The following PABPC1 variants were observed in gnomAD, a reference collection of about 807,000 sequenced individuals.
The protein encoded by PABPC1 is poly(A) binding protein cytoplasmic 1, also known as polyadenylate-binding protein 1.
In PABPC1, 4 loss-of-function variants were observed where a neutral mutation model predicts 74.0. That is an observed-to-expected ratio of 0.05 (90% confidence interval 0.03 to 0.12). The LOEUF is 0.12. PABPC1 is among the 10% of genes least tolerant of loss of function. PABPC1 has a pLI of 1.00. For synonymous variants in PABPC1, 227 were observed against 264.1 expected (o/e 0.86, Z 1.36); for missense variants, 271 against 821.1 (o/e 0.33, Z 8.19).
intron 8 of PABPC1, 33 bp from the exon 9 acceptor site, chr8:100,709,256 T>C (rs774066517): frequency 8.2e-6 from 13 of 1,593,092 alleles, no homozygotes; most frequent in South Asian, 3.3e-5. Context: ...AGTTTATCAG[T>C]TGAAGAAAAA....
At chr8:100,712,967 A>G (rs1810568974) in intron 5 of PABPC1, 120 bp downstream of exon 5, 1 of 1,027,896 alleles carries the variant, frequency 9.7e-7, no homozygotes, top group South Asian at 1.7e-5. Flanking sequence ...CTAATGCATA[A>G]AATGCAAATA....
intron 3 of PABPC1, 102 bp from the exon 4 acceptor site, chr8:100,715,703 G>C: frequency 1.4e-6 from 1 of 729,188 alleles, no homozygotes; most frequent in Non-Finnish European, 2.1e-6. Context: ...AGAATATTCA[G>C]AATCCCTAAT....
chr8:100,707,161 A>G (rs997877431), intron 9 of PABPC1, 164 bp from the exon 10 acceptor site: 7 of 549,440 alleles, frequency 1.3e-5, no homozygotes, highest in Non-Finnish European at 2.0e-5. Context: ...TCAGAGCATC[A>G]ATAAGTAAAA....
intron 1 of PABPC1, among the ~76,000 whole-genome samples, chr8:100,720,089 G>A (rs1393055091): frequency 6.6e-6 from 1 of 152,104 alleles, no homozygotes; most frequent in Admixed American, 6.6e-5. Context: ...CCACCCTTAA[G>A]GCCTTTTCTA....
chr8:100,710,711 G>A (rs1810505503), intron 7 of PABPC1, among the ~76,000 whole-genome samples: 1 of 152,218 alleles, frequency 6.6e-6, no homozygotes, highest in African/African-American at 2.4e-5. Context: ...GTTTGGCCGG[G>A]CGCGGTGGCT....
rs1810836232 is a variant in PABPC1, at chr8:100,721,661, C to A, written c.-78G>T. 1 of 505,924 alleles carries A rather than the reference C, an allele frequency of 2.0e-6. No homozygotes were observed. Among genetic ancestry groups the A allele is most frequent in the Non-Finnish European group, 2.8e-6 (1 of 355,464 alleles). 31.3% of individuals were successfully genotyped at this position (505,924 alleles called of 1,614,324 possible). On this transcript the variant is annotated 5_prime_UTR_variant, in exon 1 of 15. Transcript: ENST00000318607. This position sits in a 1 kb window ranked among gnomAD's most constrained non-coding sequence, Gnocchi z 7.4. Reference sequence around the variant, plus strand: ...GAGAGCGAGTGCCGGGGCTGGGGGCCGGAGCCGGGGGGAGGGGAGCGGGGA... The same window carrying A: ...GAGAGCGAGTGCCGGGGCTGGGGGCAGGAGCCGGGGGGAGGGGAGCGGGGA...
intron 1 of PABPC1, among the ~76,000 whole-genome samples, chr8:100,719,589 G>T (rs150437089): frequency 2.6e-5 from 4 of 152,242 alleles, no homozygotes; most frequent in Admixed American, 2.6e-4. Context: ...ATGGAAAACT[G>T]CCATATTCTT....
At chr8:100,712,838 TAC>T (rs1423521677) in intron 5 of PABPC1, 49 bp from the exon 6 acceptor site, 1 of 1,520,406 alleles carries the variant, frequency 6.6e-7, no homozygotes, top group Non-Finnish European at 8.8e-7. Flanking sequence ...ACTTTCAACT[TAC>T]AGTTCATTTC....
At position 100,713,075 on chromosome 8, in the gene PABPC1, C is replaced by T. The variant is rs776515054; in HGVS notation, c.738+12G>A. ...TGTACCCCCTTCTTCCTGCTGAATA[C>T]AGACCACTTACTTTCTGTGCATCTT... On this transcript the variant is annotated intron_variant, in intron 5 of 14. Coordinates refer to ENST00000318607, the MANE Select transcript of PABPC1 (RefSeq NM_002568.4). The T allele has an allele frequency of 2.5e-6, 4 of 1,583,644 alleles. No homozygotes were observed. Among genetic ancestry groups the T allele is most frequent in the African/African-American group, 1.4e-5 (1 of 73,858 alleles).
rs192979672 is a variant in PABPC1, at chr8:100,708,016, T to G, written c.1337-1019A>C. Among the ~76,000 whole-genome samples the G allele has an allele frequency of 1.3e-3, 197 of 152,356 alleles. 1 individual carries two copies. The highest frequency in any genetic ancestry group is 0.011 in the South Asian group (52 of 4,826). Reference sequence around the variant, plus strand: ...GTATGGCCTGGTTTTTCCTAGGTTATGATTATAGAGTGAGGATTATTATGA... The same window carrying G: ...GTATGGCCTGGTTTTTCCTAGGTTAGGATTATAGAGTGAGGATTATTATGA... On this transcript the variant is annotated intron_variant, in intron 9 of 14. Coordinates refer to ENST00000318607, the MANE Select transcript of PABPC1 (RefSeq NM_002568.4).
chr8:100,715,382 T>A, intron 4 of PABPC1, 80 bp downstream of exon 4: 3 of 1,262,640 alleles, frequency 2.4e-6, no homozygotes, highest in Non-Finnish European at 2.2e-6. Context: ...TTGACTTTTT[T>A]AGTATAAAGT....
chr8:100,718,852 C>T (rs1810740134), intron 1 of PABPC1, among the ~76,000 whole-genome samples: 4 of 152,140 alleles, frequency 2.6e-5, no homozygotes, highest in Admixed American at 2.0e-4. Context: ...CATGGCACAA[C>T]TTCCATTTAA....
rs115066010 is a variant in PABPC1, at chr8:100,715,627, C to T, written c.504-26G>A. On this transcript the variant is annotated intron_variant, in intron 3 of 14. Coordinates refer to ENST00000318607, the MANE Select transcript of PABPC1 (RefSeq NM_002568.4). ...CTAATAAGATATACAAGGACTATAA[C>T]ATTAGATTCTATTTTATAAAGTTCA... is the stretch of plus-strand genomic sequence containing the variant. The T allele has an allele frequency of 1.9e-4, 294 of 1,526,744 alleles. 1 individual carries two copies. In the African/African-American group the frequency reaches 3.4e-3, roughly 18 times the overall value. The allele number at this position is 1,526,744 out of a possible 1,614,324, so 94.6% of individuals were successfully genotyped here. A position where few individuals can be genotyped will look rare whatever the true frequency, so the allele number is the denominator to read the frequency against.
intron 7 of PABPC1, among the ~76,000 whole-genome samples, chr8:100,711,303 A>C (rs778220907): frequency 6.6e-6 from 1 of 151,984 alleles, no homozygotes; most frequent in South Asian, 2.1e-4. Flanking sequence ...AAAACACCTC[A>C]TAAGTTTAAG....
intron 7 of PABPC1, among the ~76,000 whole-genome samples, chr8:100,710,325 C>G (rs918637089): frequency 4.6e-5 from 7 of 152,136 alleles, no homozygotes; most frequent in Non-Finnish European, 1.0e-4. Context: ...AAGAACCACT[C>G]GCTAGGCCAG....
chr8:100,713,329 T>C (rs1810578771), intron 4 of PABPC1, 148 bp from the exon 5 acceptor site: 1 of 502,218 alleles, frequency 2.0e-6, no homozygotes, highest in Non-Finnish European at 3.5e-6. Flanking sequence ...CAGGTAGGTA[T>C]ACTTTTCCAT....
intron 11 of PABPC1, 25 bp from the exon 12 acceptor site, chr8:100,705,698 A>G (rs1473742470): frequency 7.5e-6 from 11 of 1,470,424 alleles, no homozygotes; most frequent in Non-Finnish European, 9.5e-6. Context: ...AGAACTCTTA[A>G]GTTTAAAGCA....
At chr8:100,715,163 A>AC (rs1268137551) in intron 4 of PABPC1, among the ~76,000 whole-genome samples, 4 of 145,636 alleles carry the variant, frequency 2.7e-5, no homozygotes, top group African/African-American at 1.1e-4. Context: ...ACACACATAT[A>AC]TATCTCCAGC....
chr8:100,717,948 G>A, intron 2 of PABPC1, 60 bp from the exon 3 acceptor site: 1 of 1,389,516 alleles, frequency 7.2e-7, no homozygotes, highest in Non-Finnish European at 1.0e-6. Context: ...TTTGTTCAGT[G>A]TTGAGAGACA....
Sources: allele counts gnomAD v4.1 joint callset (sites outside exome capture counted in the v4.1 genomes callset), GRCh38; gene constraint gnomAD v4.1.1; non-coding constraint Gnocchi (gnomAD v3.1); transcripts MANE v1.5; gene names NCBI Gene and HGNC (gene_info 2026-07-23, HGNC 2026-07-21).